The following EDIL3 variants were observed in gnomAD, a reference collection of about 807,000 sequenced individuals.
The protein encoded by EDIL3 is EGF like and discoidin domains 3.
In EDIL3, 37 loss-of-function variants were observed where a neutral mutation model predicts 67.4. The observed-to-expected ratio is 0.55, with a 90% CI of 0.42 to 0.72. EDIL3 has a LOEUF of 0.72. Among genes scored for constraint, EDIL3 ranks in the 30% least tolerant of loss-of-function variants. The pLI is 0.00. For synonymous variants in EDIL3, 195 were observed against 196.3 expected, an observed-to-expected ratio of 0.99 and a Z score of 0.05; for missense variants, 527 against 586.3, an observed-to-expected ratio of 0.90 and a Z score of 1.04.
intron 1 of EDIL3, among the ~76,000 whole-genome samples, chr5:84,271,271 G>A (rs546546489): frequency 3.9e-5 from 6 of 151,998 alleles, no homozygotes; most frequent in East Asian, 3.9e-4. Context: ...AAAATTAGCC[G>A]GGCTTGGTGG....
chr5:84,093,245 T>C (rs1472384470), intron 6 of EDIL3, among the ~76,000 whole-genome samples: 1 of 152,124 alleles, frequency 6.6e-6, no homozygotes, highest in East Asian at 1.9e-4. Context: ...GACATCTATT[T>C]AACATAGTTT....
Position 84,066,463 on chromosome 5 carries a change from G to T in EDIL3, c.795C>A (p.Thr265=). 2 of 1,597,238 alleles carry T rather than the reference G, an allele frequency of 1.3e-6. No individual in the cohort carries two copies. Among genetic ancestry groups the T allele is most frequent in the Non-Finnish European group, 1.7e-6 (2 of 1,175,270 alleles). ...AAATTATTCTTACCATGTCTTCATT[G>T]GTGCCTTTCACTTTGTACATTGCCC... ...KTWAMYKVKG[T]NEDMVFRGNI... Residue 265 remains threonine (T), a synonymous_variant, in exon 7 of 11, where the codon ACC becomes ACA. Transcript: ENST00000296591.
At chr5:84,150,241 A>G (rs1218586473) in intron 4 of EDIL3, among the ~76,000 whole-genome samples, 1 of 152,206 alleles carries the variant, frequency 6.6e-6, no homozygotes, top group Non-Finnish European at 1.5e-5. Context: ...ACTACATAAG[A>G]AATCACTCAA....
At chr5:84,007,420 C>T (rs1429063961) in intron 9 of EDIL3, among the ~76,000 whole-genome samples, 2 of 152,014 alleles carry the variant, frequency 1.3e-5, no homozygotes, top group Non-Finnish European at 2.9e-5. Context: ...TCAAACAACT[C>T]AGTAGGAAAA....
At chr5:83,954,010 A>G (rs1196075470) in intron 10 of EDIL3, among the ~76,000 whole-genome samples, 1 of 151,970 alleles carries the variant, frequency 6.6e-6, no homozygotes, top group East Asian at 2.0e-4. Flanking sequence ...TATGACAGGT[A>G]TCATTTGTTC....
intron 1 of EDIL3, among the ~76,000 whole-genome samples, chr5:84,268,825 T>G (rs942437299): frequency 1.3e-5 from 2 of 152,174 alleles, no homozygotes; most frequent in African/African-American, 4.8e-5. Flanking sequence ...GTAAGCTCAC[T>G]GTAAACAGTT....
intron 4 of EDIL3, among the ~76,000 whole-genome samples, chr5:84,154,693 C>CTTTTTTTTTTTTTTT (rs397881707): frequency 2.2e-5 from 2 of 92,294 alleles, no homozygotes; most frequent in Admixed American, 1.4e-4. Flanking sequence ...TCTGCTTCTG[C>CTTTTTTTTTTTTTTT]TTTTTTTTTT....
intron 1 of EDIL3, among the ~76,000 whole-genome samples, chr5:84,383,652 G>C (rs2112230254): frequency 6.6e-6 from 1 of 152,258 alleles, no homozygotes; most frequent in South Asian, 2.1e-4. Context: ...CCAGGCCCCT[G>C]GGGTCAGACT....
At chr5:84,114,116 G>A (rs183503089) in intron 5 of EDIL3, among the ~76,000 whole-genome samples, 61 of 149,410 alleles carry the variant, frequency 4.1e-4, no homozygotes, top group African/African-American at 1.3e-3. Flanking sequence ...TCTTTCTCAC[G>A]CTGTGGCCTG....
At chr5:84,331,663 T>G (rs1295696480) in intron 1 of EDIL3, among the ~76,000 whole-genome samples, 2 of 152,194 alleles carry the variant, frequency 1.3e-5, no homozygotes, top group Non-Finnish European at 2.9e-5. Flanking sequence ...GGGTATTTCT[T>G]CACAGCAGCG....
chr5:84,074,077 G>A (rs1240889164), intron 6 of EDIL3, among the ~76,000 whole-genome samples: 1 of 152,162 alleles, frequency 6.6e-6, no homozygotes, highest in East Asian at 1.9e-4. Flanking sequence ...TGACAAACCT[G>A]AGAAAAACAA....
At chr5:84,109,932 T>A (rs1747530088) in intron 5 of EDIL3, among the ~76,000 whole-genome samples, 1 of 152,158 alleles carries the variant, frequency 6.6e-6, no homozygotes, top group African/African-American at 2.4e-5. Context: ...GAAGACAAGA[T>A]AATGAAAGCT....
At chr5:84,249,515 A>T (rs567357635) in intron 2 of EDIL3, among the ~76,000 whole-genome samples, 3 of 151,968 alleles carry the variant, frequency 2.0e-5, no homozygotes, top group Admixed American at 1.3e-4. Context: ...CATCATCTAA[A>T]CAGCAACTTG....
At chr5:83,943,902 G>T (rs998555752) in intron 10 of EDIL3, among the ~76,000 whole-genome samples, 2 of 151,938 alleles carry the variant, frequency 1.3e-5, no homozygotes, top group Non-Finnish European at 2.9e-5. Context: ...TGCTGAAGAT[G>T]CTCTCTTCCA....
intron 6 of EDIL3, among the ~76,000 whole-genome samples, chr5:84,099,735 C>G (rs1747327931): frequency 1.3e-5 from 2 of 152,056 alleles, no homozygotes; most frequent in South Asian, 4.1e-4. Flanking sequence ...CAAATGGGAT[C>G]TAATTAAACT....
chr5:84,180,660 C>T, intron 3 of EDIL3, 139 bp from the exon 4 acceptor site: 2 of 971,672 alleles, frequency 2.1e-6, no homozygotes, highest in Non-Finnish European at 2.8e-6. Flanking sequence ...GTTGTATGAG[C>T]TCTGGAGACT....
At chr5:83,963,088 T>G in intron 10 of EDIL3, 117 bp downstream of exon 10, 1 of 1,231,806 alleles carries the variant, frequency 8.1e-7, no homozygotes, top group Non-Finnish European at 1.1e-6. Flanking sequence ...TAACATATAT[T>G]TTCAGTATAT....
rs78975336 is a variant in EDIL3, at chr5:84,273,167, A to C, written c.68-18955T>G. The stretch of plus-strand genomic sequence containing the variant: ...AAGCATCCTTTAGTAAGAGCAAGGA[A>C]ATTTCTTTTCCAAAAGAATTGGAAA... On this transcript the variant is annotated intron_variant, in intron 1 of 10. Transcript: ENST00000296591. 3.7e-3 allele frequency among the ~76,000 whole-genome samples: 567 copies of C among 152,246 alleles called. 2 individuals carry two copies. The highest frequency in any genetic ancestry group is 0.013 in the African/African-American group (529 of 41,540).
chr5:83,962,265 TTA>T (rs1388162404), intron 10 of EDIL3, among the ~76,000 whole-genome samples: 1 of 151,564 alleles, frequency 6.6e-6, no homozygotes, highest in Admixed American at 6.6e-5. Flanking sequence ...ACTCAAATAT[TTA>T]ACATGTATAA....
Sources: allele counts gnomAD v4.1 joint callset (sites outside exome capture counted in the v4.1 genomes callset), GRCh38; gene constraint gnomAD v4.1.1; transcripts MANE v1.5; gene names NCBI Gene and HGNC (gene_info 2026-07-23, HGNC 2026-07-21).